The following OTOG variants were observed in gnomAD, a reference collection of about 807,000 sequenced individuals.
OTOG encodes the protein otogelin.
A neutral mutation model predicts 313.8 loss-of-function variants in OTOG; 296 were observed. The ratio of observed to expected loss-of-function variants is 0.94; its 90% CI spans 0.86 to 1.04. The LOEUF is 1.04. OTOG is among the 50% of genes least tolerant of loss of function. The pLI is 0.00. For missense variants in OTOG, 3,948 were observed against 3,840.1 expected, an observed-to-expected ratio of 1.03 and a Z score of -0.74; for synonymous variants, 1,533 against 1,554.9, an observed-to-expected ratio of 0.99 and a Z score of 0.33.
intron 38 of OTOG, among the ~76,000 whole-genome samples, chr11:17,613,327 C>CCTTCCTTCCTTCCTT (rs1207890002): frequency 9.8e-6 from 1 of 102,452 alleles, no homozygotes; most frequent in African/African-American, 5.1e-5. Context: ...CTCTGCCCTG[C>CCTTCCTTCCTTCCTT]CCTTCCTTCC....
At chr11:17,571,783 G>T (rs771783816) in intron 17 of OTOG, among the ~76,000 whole-genome samples, 2 of 152,060 alleles carry the variant, frequency 1.3e-5, no homozygotes, top group Non-Finnish European at 2.9e-5. Context: ...GTGCGTGCGC[G>T]CACGCATGCA....
intron 39 of OTOG, among the ~76,000 whole-genome samples, chr11:17,628,429 A>G (rs887686416): frequency 6.6e-6 from 1 of 152,166 alleles, no homozygotes; most frequent in East Asian, 1.9e-4. Flanking sequence ...TTTCAGTGTA[A>G]AACTATTGTA....
intron 4 of OTOG, 138 bp downstream of exon 4, chr11:17,552,213 C>A: frequency 1.2e-6 from 1 of 841,298 alleles, no homozygotes; most frequent in Non-Finnish European, 1.9e-6. Flanking sequence ...CTTCCACCCA[C>A]TCTGGCCCCG....
In OTOG at chr11:17,586,515, GC is replaced by G; in HGVS notation, c.2805del (p.Cys936AlafsTer14). The G allele has an allele frequency of 6.9e-7, 1 of 1,450,762 alleles. No individual in the cohort carries two copies. The highest frequency in any genetic ancestry group is 1.5e-5 in the South Asian group (1 of 67,646). 89.9% of individuals were successfully genotyped at this position (1,450,762 alleles called of 1,614,324 possible). The stretch of plus-strand genomic sequence containing the variant: ...GATGCATGTTTCCTGCCAGAGGAGT[GC>G]CCCTGCACTTGGAAGGGGAAGGAGT... ...HGDACFLPEECPCTWKGKEYF... is the reference protein window; with the variant it reads ...HGDACFLPEEXPCTWKGKEYF... On this transcript the variant is annotated frameshift_variant, in exon 24 of 56. Transcript: ENST00000399397. LOFTEE classifies it high-confidence loss of function.
intron 22 of OTOG, 45 bp from the exon 23 acceptor site, chr11:17,578,328 A>C: frequency 2.1e-6 from 3 of 1,438,296 alleles, no homozygotes; most frequent in Non-Finnish European, 2.7e-6. Context: ...CCAGGAGCCC[A>C]TACTGAGGCC....
intron 47 of OTOG, 58 bp downstream of exon 47, chr11:17,635,769 C>A: frequency 7.1e-7 from 1 of 1,398,772 alleles, no homozygotes; most frequent in Non-Finnish European, 9.9e-7. Flanking sequence ...TCACAGAGTT[C>A]CCACCCCGGA....
At chr11:17,578,325 C>A in intron 22 of OTOG, 48 bp from the exon 23 acceptor site, 2 of 1,436,228 alleles carry the variant, frequency 1.4e-6, no homozygotes, top group Non-Finnish European at 1.8e-6. Flanking sequence ...AGCCCAGGAG[C>A]CCATACTGAG....
Position 17,553,447 on chromosome 11 carries a change from C to G in OTOG, c.468C>G (p.Tyr156Ter). ...HHVETFDGLY[Y>*]YLSGKGSYTL... is the part of the protein sequence containing the mutation. ...TGGAGACATTTGATGGGCTCTACTA[C>G]TACCTCTCCGGAAAGGGCAGCTACA... Residue 156 changes from tyrosine to a stop codon, truncating the protein, a stop_gained, in exon 6 of 56, where the codon TAC becomes TAG. Coordinates refer to ENST00000399397, the MANE Select transcript of OTOG (RefSeq NM_001292063.2). LOFTEE classifies it high-confidence loss of function. The G allele has an allele frequency of 6.8e-7, 1 of 1,471,928 alleles. No homozygotes were observed. The highest frequency in any genetic ancestry group is 9.0e-7 in the Non-Finnish European group (1 of 1,109,844). 91.2% of individuals were successfully genotyped at this position (1,471,928 alleles called of 1,614,324 possible). A position where few individuals can be genotyped will look rare whatever the true frequency, so the allele number is the denominator to read the frequency against.
At chr11:17,582,833 T>C (rs1475555422) in intron 23 of OTOG, among the ~76,000 whole-genome samples, 1 of 152,154 alleles carries the variant, frequency 6.6e-6, no homozygotes, top group African/African-American at 2.4e-5. Context: ...GTTGTAAAAA[T>C]TTTTTATGTA....
At chr11:17,609,331 G>A in intron 35 of OTOG, 122 bp downstream of exon 35, 2 of 882,966 alleles carry the variant, frequency 2.3e-6, no homozygotes, top group Non-Finnish European at 3.5e-6. Context: ...AGGGACCTTT[G>A]GAAAGAGGCA....
intron 39 of OTOG, among the ~76,000 whole-genome samples, chr11:17,623,865 T>C (rs1351844774): frequency 1.3e-5 from 2 of 152,244 alleles, no homozygotes; most frequent in African/African-American, 2.4e-5. Flanking sequence ...TGGTATCTCA[T>C]TGCTGTTTTG....
At chr11:17,631,392 G>C (rs901143238) in intron 40 of OTOG, among the ~76,000 whole-genome samples, 3 of 149,148 alleles carry the variant, frequency 2.0e-5, no homozygotes, top group Admixed American at 2.0e-4. Context: ...GTGTGTGTGG[G>C]GGGGGGTATA....
Position 17,547,376 on chromosome 11 carries a change from G to C in OTOG, c.4G>C (p.Gly2Arg). The C allele has an allele frequency of 7.2e-7, 1 of 1,397,892 alleles. No homozygotes were observed. Among genetic ancestry groups the C allele is most frequent in the Non-Finnish European group, 9.2e-7 (1 of 1,082,440 alleles). 86.6% of individuals were successfully genotyped at this position (1,397,892 alleles called of 1,614,324 possible). Residue 2 changes from glycine to arginine, a missense_variant, in exon 1 of 56, where the codon GGA (glycine) becomes CGA (arginine). Transcript: ENST00000399397. The stretch of plus-strand genomic sequence containing the variant: ...CCTCCGGTCCCCTCGTGTCCCTATG[G>C]GAGTCCTGGCGTCTGCGCTCTGCTG... Reference protein sequence around the residue: MGVLASALCWLL... With the variant: MRVLASALCWLL...
Position 17,640,913 on chromosome 11 carries a change from T to G in OTOG, c.8012T>G (p.Val2671Gly). ...NVCGCAKYEC[V>G]KAPVCLSREL... ...GTTGCCGCCCTGCATGCCCATCCAG[T>G]GAAGGCCCCGGTGTGTCTGAGCCGC... The change falls in exon 51 of 56, where the codon GTG becomes GGG. Residue 2671 changes from valine to glycine, a missense_variant and splice_region_variant. Coordinates refer to ENST00000399397, the MANE Select transcript of OTOG (RefSeq NM_001292063.2). 6.5e-7 allele frequency: 1 copy of G among 1,548,510 alleles called. No individual in the cohort carries two copies. Among genetic ancestry groups the G allele is most frequent in the Non-Finnish European group, 8.7e-7 (1 of 1,146,840 alleles).
chr11:17,560,843 G>GGT, intron 13 of OTOG, 26 bp downstream of exon 13: 2 of 1,526,794 alleles, frequency 1.3e-6, no homozygotes, highest in South Asian at 2.4e-5. Flanking sequence ...CGGGAAGCAG[G>GGT]GTGTGGGGCA....
At chr11:17,632,458 T>G (rs558139460) in intron 42 of OTOG, among the ~76,000 whole-genome samples, 1 of 152,352 alleles carries the variant, frequency 6.6e-6, no homozygotes, top group East Asian at 1.9e-4. Flanking sequence ...ATGATTCATA[T>G]GAACATATTA....
At chr11:17,555,980 C>T (rs947722138) in intron 7 of OTOG, 83 bp downstream of exon 7, 1 of 1,104,646 alleles carries the variant, frequency 9.1e-7, no homozygotes, top group Non-Finnish European at 1.3e-6. Flanking sequence ...TCTTCTCAAG[C>T]CCAAAGGAAA....
At chr11:17,617,935 CAG>C (rs1167503058) in intron 39 of OTOG, among the ~76,000 whole-genome samples, 2 of 148,724 alleles carry the variant, frequency 1.3e-5, no homozygotes, top group South Asian at 2.1e-4. Flanking sequence ...TTTTTTGAGA[CAG>C]AGTCTCACTC....
At chr11:17,560,620 G>C (rs765256724) in intron 12 of OTOG, 89 bp from the exon 13 acceptor site, 1 of 900,012 alleles carries the variant, frequency 1.1e-6, no homozygotes, top group African/African-American at 1.7e-5. Flanking sequence ...AGTTAGATAA[G>C]GGGATCTTTA....
Sources: allele counts gnomAD v4.1 joint callset (sites outside exome capture counted in the v4.1 genomes callset), GRCh38; gene constraint gnomAD v4.1.1; transcripts MANE v1.5; gene names NCBI Gene and HGNC (gene_info 2026-07-23, HGNC 2026-07-21).